Variants in CADPS observed in about 807,000 individuals in gnomAD.
CADPS encodes calcium-dependent secretion activator 1.
A neutral mutation model predicts 167.3 loss-of-function variants in CADPS; 57 were observed. The ratio of observed to expected loss-of-function variants is 0.34; its 90% CI spans 0.28 to 0.42. The LOEUF (loss-of-function observed/expected upper bound fraction) is 0.42. Among genes scored for constraint, CADPS ranks in the 20% least tolerant of loss-of-function variants. The probability of loss-of-function intolerance (pLI) is 1.00; values close to 1 mark genes in which losing one functional copy is unlikely to be tolerated. For synonymous variants in CADPS, 676 were observed against 635.3 expected (o/e 1.06, Z -0.96); for missense variants, 1,414 against 1,738.1 (o/e 0.81, Z 3.32).
chr3:62,523,892 G>T (rs535970222), intron 13 of CADPS, among the ~76,000 whole-genome samples: 37 of 152,322 alleles, frequency 2.4e-4, no homozygotes, highest in Admixed American at 1.3e-3. Flanking sequence ...CCTGCAGACC[G>T]CATGATGGAT....
chr3:62,728,244 C>T (rs474890), intron 3 of CADPS, among the ~76,000 whole-genome samples: 34,440 of 151,576 alleles, frequency 0.23, 4,422 homozygotes, highest in African/African-American at 0.31. Context: ...GGTCTGTTTG[C>T]AAAGTCCATG....
chr3:62,862,941 C>T (rs548308300), intron 1 of CADPS, among the ~76,000 whole-genome samples: 3 of 152,252 alleles, frequency 2.0e-5, no homozygotes, highest in Admixed American at 6.5e-5. Flanking sequence ...ATTTATAACT[C>T]GTCTCACATA....
At position 62,681,887 on chromosome 3, in the gene CADPS, G is replaced by A. The variant is rs913050079; in HGVS notation, c.889-19493C>T. Among the ~76,000 whole-genome samples, 3 of 152,048 alleles carry A rather than the reference G, an allele frequency of 2.0e-5. No homozygotes were observed. The South Asian group carries it at 6.2e-4, about 31-fold the overall frequency. On this transcript the variant is annotated intron_variant, in intron 3 of 29. Coordinates refer to ENST00000383710, the MANE Select transcript of CADPS (RefSeq NM_003716.4). ...TAGGGGAAAATAAAGGGTGCTGGGT[G>A]TGGATGAAAACTGAGGGAGAAAAAT...
At chr3:62,461,407 A>T (rs1244535338) in intron 26 of CADPS, among the ~76,000 whole-genome samples, 1 of 152,060 alleles carries the variant, frequency 6.6e-6, no homozygotes, top group Non-Finnish European at 1.5e-5. Context: ...CAGTCTCCCT[A>T]CCCTGTGCTG....
intron 6 of CADPS, among the ~76,000 whole-genome samples, chr3:62,640,285 A>C (rs899048232): frequency 6.6e-6 from 1 of 152,190 alleles, no homozygotes; most frequent in African/African-American, 2.4e-5. Flanking sequence ...AGGAAGCACC[A>C]TTAAGAAGAT....
intron 9 of CADPS, among the ~76,000 whole-genome samples, chr3:62,565,494 T>TATA (rs2079986778): frequency 6.6e-6 from 1 of 152,286 alleles, no homozygotes; most frequent in East Asian, 1.9e-4. Flanking sequence ...GGGTGCCTTT[T>TATA]ATAAGTACGG....
chr3:62,681,565 C>A (rs1426730619), intron 3 of CADPS, among the ~76,000 whole-genome samples: 1 of 152,070 alleles, frequency 6.6e-6, no homozygotes, highest in African/African-American at 2.4e-5. Flanking sequence ...AATCCTCCTA[C>A]AAGACTAGAA....
chr3:62,872,971 C>G (rs1319827749), intron 1 of CADPS, among the ~76,000 whole-genome samples: 1 of 152,184 alleles, frequency 6.6e-6, no homozygotes, highest in Admixed American at 6.5e-5. Context: ...GAAATGTGAA[C>G]TATTAGGCCC....
chr3:62,851,365 A>G (rs1027166523), intron 1 of CADPS, among the ~76,000 whole-genome samples: 2 of 125,044 alleles, frequency 1.6e-5, no homozygotes, highest in African/African-American at 6.1e-5. Context: ...GTTTCTTCCT[A>G]GTCTCGATGG....
At chr3:62,627,824 A>C (rs1352074654) in intron 6 of CADPS, among the ~76,000 whole-genome samples, 1 of 152,076 alleles carries the variant, frequency 6.6e-6, no homozygotes, top group African/African-American at 2.4e-5. Flanking sequence ...TGCTTCCAAA[A>C]CCAATGGGAA....
At chr3:62,757,360 G>A (rs2084204244) in intron 2 of CADPS, among the ~76,000 whole-genome samples, 1 of 152,090 alleles carries the variant, frequency 6.6e-6, no homozygotes, top group Admixed American at 6.5e-5. Flanking sequence ...TCTCCAGCTA[G>A]ACTATAAGTT....
chr3:62,593,896 G>A (rs2086641363), intron 6 of CADPS, among the ~76,000 whole-genome samples: 1 of 152,184 alleles, frequency 6.6e-6, no homozygotes, highest in South Asian at 2.1e-4. Flanking sequence ...TATTCTGTAA[G>A]CTCCATGAGC....
intron 6 of CADPS, among the ~76,000 whole-genome samples, chr3:62,619,382 G>GT (rs2062820502): frequency 6.6e-6 from 1 of 152,088 alleles, no homozygotes; most frequent in East Asian, 1.9e-4. Context: ...AAATATTCTG[G>GT]TTTTAAAAGC....
At chr3:62,744,740 T>C (rs1296570761) in intron 3 of CADPS, among the ~76,000 whole-genome samples, 1 of 152,266 alleles carries the variant, frequency 6.6e-6, no homozygotes, top group Non-Finnish European at 1.5e-5. Flanking sequence ...AGCATACTTA[T>C]GAATCCATTT....
intron 1 of CADPS, among the ~76,000 whole-genome samples, chr3:62,802,102 A>G (rs2093803300): frequency 2.0e-5 from 3 of 152,112 alleles, no homozygotes; most frequent in Admixed American, 6.6e-5. Flanking sequence ...GTGTAAGCAA[A>G]TAATATATAT....
At chr3:62,447,921 A>C (rs942518794) in intron 26 of CADPS, among the ~76,000 whole-genome samples, 4 of 151,834 alleles carry the variant, frequency 2.6e-5, no homozygotes, top group African/African-American at 9.7e-5. Context: ...ATTATCTAAC[A>C]TTTCTGTGAT....
chr3:62,427,182 C>CA (rs1302191903), intron 28 of CADPS, among the ~76,000 whole-genome samples: 1 of 151,956 alleles, frequency 6.6e-6, no homozygotes, highest in Non-Finnish European at 1.5e-5. Context: ...ATTAATGCTC[C>CA]ATGGGAACTA....
At chr3:62,493,105 G>T (rs970396221) in intron 19 of CADPS, among the ~76,000 whole-genome samples, 7 of 152,166 alleles carry the variant, frequency 4.6e-5, no homozygotes, top group Non-Finnish European at 1.0e-4. Context: ...GTAAGATCAG[G>T]AGTTACTTTT....
chr3:62,620,425 C>T (rs1319819495), intron 6 of CADPS, among the ~76,000 whole-genome samples: 1 of 152,114 alleles, frequency 6.6e-6, no homozygotes, highest in Admixed American at 6.6e-5. Context: ...GGTCACTCAA[C>T]CAAGCAACAA....
Sources: gnomAD v4.1 joint callset for allele counts (sites outside exome capture counted in the v4.1 genomes callset) on GRCh38, gnomAD v4.1.1 for gene constraint, MANE v1.5 for transcripts, NCBI Gene and HGNC (gene_info 2026-07-23, HGNC 2026-07-21) for gene names.